CHERP: variants seen among roughly 807,000 people sequenced by gnomAD.
CHERP encodes the protein calcium homeostasis endoplasmic reticulum protein, also known as ERPROT 213-21.
In CHERP, 8 loss-of-function variants were observed where a neutral mutation model predicts 113.8. That is an observed-to-expected ratio of 0.07 (90% CI 0.04 to 0.13). The LOEUF (loss-of-function observed/expected upper bound fraction) is 0.13. CHERP is among the 10% of genes least tolerant of loss of function. CHERP has a pLI of 1.00. For missense variants in CHERP, 884 were observed against 1,298.2 expected, an observed-to-expected ratio of 0.68 and a Z score of 4.90; for synonymous variants, 559 against 524.5, an observed-to-expected ratio of 1.07 and a Z score of -0.90.
rs760094876 is a variant in CHERP, at chr19:16,542,068, C to T, written c.26-25G>A. 5.0e-6 allele frequency: 8 copies of T among 1,596,178 alleles called. No homozygotes were observed. In the Admixed American group the frequency reaches 8.8e-5, roughly 18 times the overall value. ...TCTGGAGGACGGAGAAAAGGCCACG[C>T]GGGGCGTCAGCGAGGACCGCCCAAA... On this transcript the variant is annotated intron_variant, in intron 1 of 16. Transcript: ENST00000546361.
Position 16,523,113 on chromosome 19 carries a change from C to A in CHERP, c.1919G>T (p.Ser640Ile). 6.5e-7 allele frequency: 1 copy of A among 1,546,234 alleles called. No individual in the cohort carries two copies. Among genetic ancestry groups the A allele is most frequent in the Non-Finnish European group, 8.7e-7 (1 of 1,149,248 alleles). ...GPPHINHDDP[S>I]LVPNVPYFDL... ...GAAGTAGGGCACATTGGGGACCAGG[C>A]TGGGGTCATCGTGGTTGATGTGGGG... Residue 640 changes from serine (S) to isoleucine (I), a missense_variant, in exon 11 of 17, where the codon AGC (serine) becomes ATC (isoleucine). Physicochemically the swap from Ser to Ile is moderately radical, Grantham distance 142. Transcript: ENST00000546361. The surrounding 1 kb of genome is among the most constrained non-coding windows in gnomAD (Gnocchi z 4.0).
chr19:16,524,562 A>C (rs1207748670), intron 10 of CHERP, among the ~76,000 whole-genome samples: 1 of 151,288 alleles, frequency 6.6e-6, no homozygotes. Flanking sequence ...TCTCAAAAAA[A>C]AAAAAAAGTA....
chr19:16,533,038 G>A lies in CHERP; in HGVS notation c.495C>T (p.Ile165=), dbSNP rs773778047. 1.5e-5 allele frequency: 24 copies of A among 1,569,614 alleles called. No homozygotes were observed. The highest frequency in any genetic ancestry group is 2.7e-5 in the African/African-American group (2 of 74,082). ...NEFDNLLQPI[I]DTCTKDAISA... ...AGATGGCGTCCTTGGTGCACGTGTC[G>A]ATGATGGGCTGCAGGAGGTTGTCAA... Residue 165 remains isoleucine, a synonymous_variant, in exon 4 of 17, where the codon ATC becomes ATT. Transcript: ENST00000546361.
Position 16,519,779 on chromosome 19 carries a change from TGAG to T in CHERP, c.2463-67_2463-65del. On this transcript the variant is annotated intron_variant, in intron 15 of 16. Coordinates refer to ENST00000546361, the MANE Select transcript of CHERP (RefSeq NM_006387.6). This position sits in a 1 kb window ranked among gnomAD's most constrained non-coding sequence, Gnocchi z 6.0. ...GAGACATTTATTGGAATGACAGTGA[TGAG>T]GACCTCACAGCCGCAGCTTGCGTGC... is the stretch of plus-strand genomic sequence containing the variant. 4 of 1,384,378 alleles carry T rather than the reference TGAG, an allele frequency of 2.9e-6. No homozygotes were observed. Among genetic ancestry groups the T allele is most frequent in the African/African-American group, 1.4e-5 (1 of 70,516 alleles). 85.8% of individuals were successfully genotyped at this position (1,384,378 alleles called of 1,614,324 possible).
At chr19:16,529,347 TC>T (rs1196817508) in intron 8 of CHERP, among the ~76,000 whole-genome samples, 1 of 152,224 alleles carries the variant, frequency 6.6e-6, no homozygotes, top group African/African-American at 2.4e-5. Flanking sequence ...GCATTGTCCT[TC>T]CTGCCTGATG....
At chr19:16,522,774 G>C (rs1381504152) in intron 11 of CHERP, among the ~76,000 whole-genome samples, 1 of 152,190 alleles carries the variant, frequency 6.6e-6, no homozygotes, top group Non-Finnish European at 1.5e-5. Flanking sequence ...AGGACGAAGA[G>C]AGGACTCGAG....
In CHERP at chr19:16,520,032, C is replaced by CGGGCTA; in HGVS notation, c.2462+111_2462+116dup. 9.2e-7 allele frequency: 1 copy of CGGGCTA among 1,088,982 alleles called. No homozygotes were observed. The highest frequency in any genetic ancestry group is 1.4e-6 in the Non-Finnish European group (1 of 735,096). 67.5% of individuals were successfully genotyped at this position (1,088,982 alleles called of 1,614,324 possible). On this transcript the variant is annotated intron_variant, in intron 15 of 16. Transcript: ENST00000546361. This position sits in a 1 kb window ranked among gnomAD's most constrained non-coding sequence, Gnocchi z 4.0. ...GAAGGGTGAGGGGTGCCACTGTCCC[C>CGGGCTA]GGGCTAATGCTGGCGGCCTCCTAAC...
At position 16,519,520 on chromosome 19, in the gene CHERP, C is replaced by T. The variant is rs1355907761; in HGVS notation, c.2557+101G>A. On this transcript the variant is annotated intron_variant, in intron 16 of 16. Coordinates refer to ENST00000546361, the MANE Select transcript of CHERP (RefSeq NM_006387.6). The surrounding 1 kb of genome is among the most constrained non-coding windows in gnomAD (Gnocchi z 6.0). Reference sequence around the variant, plus strand: ...GGTGGAGTCAGAACCGGCCTGACTCCATCCATCCCCACATGCACTGAGGAA... The same window carrying T: ...GGTGGAGTCAGAACCGGCCTGACTCTATCCATCCCCACATGCACTGAGGAA... 24 of 1,289,272 alleles carry T rather than the reference C, an allele frequency of 1.9e-5. No homozygotes were observed. The highest frequency in any genetic ancestry group is 2.0e-5 in the Non-Finnish European group (18 of 894,058). The allele number at this position is 1,289,272 out of a possible 1,614,324, so 79.9% of individuals were successfully genotyped here.
chr19:16,530,689 A>G lies in CHERP; in HGVS notation c.787-15T>C. The G allele has an allele frequency of 6.2e-7, 1 of 1,613,746 alleles. No homozygotes were observed. The highest frequency in any genetic ancestry group is 8.5e-7 in the Non-Finnish European group (1 of 1,179,794). ...AGCTGCAGGAGCTGGCGGTGGGAGG[A>G]GAGAGAGGCCGGGTCAGTGGGGAGG... On this transcript the variant is annotated splice_polypyrimidine_tract_variant and intron_variant, in intron 6 of 16. Transcript: ENST00000546361. This position sits in a 1 kb window ranked among gnomAD's most constrained non-coding sequence, Gnocchi z 4.1.
In CHERP at chr19:16,532,648, G is replaced by A. The variant is rs762184472; in HGVS notation, c.624C>T (p.Phe208=). ...RNRITADGAH[F]ELRLHLIYLI... The stretch of plus-strand genomic sequence containing the variant: ...GGTAGATGAGGTGCAGCCGCAGCTC[G>A]AAGTGTGCCCCATCAGCCGTGATGC... The change falls in exon 5 of 17, where the codon TTC becomes TTT. Residue 208 remains phenylalanine, a synonymous_variant. Transcript: ENST00000546361. This position sits in a 1 kb window ranked among gnomAD's most constrained non-coding sequence, Gnocchi z 4.4. The A allele has an allele frequency of 5.6e-6, 9 of 1,612,490 alleles. No individual in the cohort carries two copies. The highest frequency in any genetic ancestry group is 7.6e-6 in the Non-Finnish European group (9 of 1,179,818).
intron 8 of CHERP, 84 bp from the exon 9 acceptor site, chr19:16,528,339 G>T: frequency 2.2e-6 from 3 of 1,372,480 alleles, no homozygotes; most frequent in Admixed American, 4.7e-5. Context: ...AGCAAACCAG[G>T]CTACCGCTTT....
Position 16,523,461 on chromosome 19 carries a change from G to A in CHERP, c.1742-171C>T, listed in dbSNP as rs914638033. The stretch of plus-strand genomic sequence containing the variant: ...AGGCAGCAAGGCACCGAGGAGCCAG[G>A]CTCCGAGGGGCCTGTCCCGCACCCA... On this transcript the variant is annotated intron_variant, in intron 10 of 16. Transcript: ENST00000546361. This position sits in a 1 kb window ranked among gnomAD's most constrained non-coding sequence, Gnocchi z 4.0. Among the ~76,000 whole-genome samples the A allele has an allele frequency of 4.6e-5, 7 of 152,092 alleles. No homozygotes were observed. Among genetic ancestry groups the A allele is most frequent in the African/African-American group, 1.7e-4 (7 of 41,398 alleles).
At chr19:16,528,655 T>C (rs1046967665) in intron 8 of CHERP, among the ~76,000 whole-genome samples, 2 of 152,220 alleles carry the variant, frequency 1.3e-5, no homozygotes, top group African/African-American at 4.8e-5. Context: ...AGAATGTAAT[T>C]TTAAAATCCT....
chr19:16,522,402 G>A (rs558762200), intron 11 of CHERP, among the ~76,000 whole-genome samples: 1 of 152,342 alleles, frequency 6.6e-6, no homozygotes, highest in Non-Finnish European at 1.5e-5. Context: ...GGGACTACAG[G>A]CGTCTGCCAC....
chr19:16,535,794 T>A lies in CHERP; in HGVS notation c.200-158A>T, dbSNP rs886697310. ...CATGCCCACGCAAACCAGCTCCTCC[T>A]AGTCTCGGGTCCTGCCCTCCCTCTC... is the stretch of plus-strand genomic sequence containing the variant. On this transcript the variant is annotated intron_variant, in intron 2 of 16. Coordinates refer to ENST00000546361, the MANE Select transcript of CHERP (RefSeq NM_006387.6). This position sits in a 1 kb window ranked among gnomAD's most constrained non-coding sequence, Gnocchi z 4.3. 6.6e-6 allele frequency among the ~76,000 whole-genome samples: 1 copy of A among 152,060 alleles called. No individual in the cohort carries two copies. Among genetic ancestry groups the A allele is most frequent in the Non-Finnish European group, 1.5e-5 (1 of 67,986 alleles).
At chr19:16,541,209 GGC>G (rs2085777176) in intron 2 of CHERP, 1 of 152,108 alleles carries the variant, frequency 6.6e-6, no homozygotes, top group Non-Finnish European at 1.5e-5. Flanking sequence ...CCATCTACCT[GGC>G]AAACTCCTAG....
Position 16,520,092 on chromosome 19 carries a change from A to G in CHERP, c.2462+57T>C. 1 of 1,549,540 alleles carries G rather than the reference A, an allele frequency of 6.5e-7. No individual in the cohort carries two copies. The highest frequency in any genetic ancestry group is 1.7e-5 in the Admixed American group (1 of 58,244). On this transcript the variant is annotated intron_variant, in intron 15 of 16. Transcript: ENST00000546361. The surrounding 1 kb of genome is among the most constrained non-coding windows in gnomAD (Gnocchi z 4.0). ...TAACCACCAATGTTTCCACATTCAC[A>G]GCAAAGCACCGCAGCTTCCCAGAGT...
rs773049662 is a variant in CHERP at position 16,525,576 on chromosome 19, G to T, written c.1407C>A (p.Asp469Glu). The T allele has an allele frequency of 1.9e-6, 3 of 1,539,528 alleles. No homozygotes were observed. Among genetic ancestry groups the T allele is most frequent in the African/African-American group, 1.4e-5 (1 of 72,936 alleles). ...CGTCGCGCTGGCCGTTCCAGCCGGGGTCACCGCGCTGCTCGCCCCACATGC... is the reference window on the plus strand; with the variant it reads ...CGTCGCGCTGGCCGTTCCAGCCGGGTTCACCGCGCTGCTCGCCCCACATGC... ...HEGMWGEQRG[D>E]PGWNGQRDAP... The change falls in exon 10 of 17, where the codon GAC becomes GAA. Residue 469 changes from aspartate (D) to glutamate (E), a missense_variant. Physicochemically the swap from Asp to Glu is conservative, Grantham distance 45 (BLOSUM62 2). Coordinates refer to ENST00000546361, the MANE Select transcript of CHERP (RefSeq NM_006387.6). This position sits in a 1 kb window ranked among gnomAD's most constrained non-coding sequence, Gnocchi z 6.5.
Position 16,535,580 on chromosome 19 carries a change from G to T in CHERP, c.256C>A (p.Pro86Thr), listed in dbSNP as rs757277298. 15 of 1,557,834 alleles carry T rather than the reference G, an allele frequency of 9.6e-6. No individual in the cohort carries two copies. The African/African-American group carries it at 1.4e-4, about 14-fold the overall frequency. Reference sequence around the variant, plus strand: ...GCGGCGGGGGCCAGCGGGGGCTGTGGCAGGGGTGGCATGGTGGCGGCTGGC... The same window carrying T: ...GCGGCGGGGGCCAGCGGGGGCTGTGTCAGGGGTGGCATGGTGGCGGCTGGC... ...LEPAATMPPL[P>T]QPPLAPAAPI... Residue 86 changes from proline (P) to threonine (T), a missense_variant, in exon 3 of 17, where the codon CCA becomes ACA. Physicochemically the swap from Pro to Thr is conservative, Grantham distance 38. Transcript: ENST00000546361. This position sits in a 1 kb window ranked among gnomAD's most constrained non-coding sequence, Gnocchi z 4.3.
Sources: gnomAD v4.1 joint callset for allele counts (sites outside exome capture counted in the v4.1 genomes callset) on GRCh38, gnomAD v4.1.1 for gene constraint, Gnocchi (gnomAD v3.1) non-coding constraint, MANE v1.5 for transcripts, NCBI Gene and HGNC (gene_info 2026-07-23, HGNC 2026-07-21) for gene names.